HCN4: variants seen among roughly 807,000 people sequenced by gnomAD.
HCN4 encodes potassium/sodium hyperpolarization-activated cyclic nucleotide-gated channel 4.
HCN4 carries 29 observed loss-of-function variants against 76.9 expected under a neutral mutation model. That is an observed-to-expected ratio of 0.38 (90% CI 0.28 to 0.51). The LOEUF (loss-of-function observed/expected upper bound fraction) is 0.51. Ranked by LOEUF, HCN4 falls within the 20% of genes least tolerant of loss-of-function variation. The probability of loss-of-function intolerance (pLI) is 0.90; values close to 1 mark genes in which losing one functional copy is unlikely to be tolerated. For synonymous variants in HCN4, 772 were observed against 762.5 expected (o/e 1.01, Z -0.21); for missense variants, 1,416 against 1,715.2 (o/e 0.83, Z 3.08).
chr15:73,362,877 G>C (rs531009451), intron 1 of HCN4, among the ~76,000 whole-genome samples: 1 of 152,136 alleles, frequency 6.6e-6, no homozygotes, highest in African/African-American at 2.4e-5. Flanking sequence ...ACCTGGAGCC[G>C]AGGCCTCTCT....
At chr15:73,346,759 G>A (rs1234872884) in intron 1 of HCN4, among the ~76,000 whole-genome samples, 1 of 152,186 alleles carries the variant, frequency 6.6e-6, no homozygotes, top group Non-Finnish European at 1.5e-5. Flanking sequence ...CTAGAAGGGT[G>A]AGGCCGGGAA....
chr15:73,353,939 AATAG>A (rs1175480332), intron 1 of HCN4, among the ~76,000 whole-genome samples: 1 of 151,986 alleles, frequency 6.6e-6, no homozygotes, highest in African/African-American at 2.4e-5. Flanking sequence ...TCCCCACCAC[AATAG>A]ATAAATTGCT....
At chr15:73,350,840 A>C (rs1389259422) in intron 1 of HCN4, among the ~76,000 whole-genome samples, 1 of 151,726 alleles carries the variant, frequency 6.6e-6, no homozygotes, top group East Asian at 1.9e-4. Flanking sequence ...TAAGCTCTCT[A>C]AACTTAAAAA....
intron 1 of HCN4, among the ~76,000 whole-genome samples, chr15:73,351,366 T>C (rs1051076680): frequency 6.6e-6 from 1 of 152,154 alleles, no homozygotes; most frequent in African/African-American, 2.4e-5. Context: ...TGTAAACCCA[T>C]GCATCCACTT....
chr15:73,353,589 A>T (rs950102488), intron 1 of HCN4, among the ~76,000 whole-genome samples: 1 of 150,636 alleles, frequency 6.6e-6, no homozygotes, highest in African/African-American at 2.4e-5. Flanking sequence ...AGCACCTATT[A>T]CTCCCCCTCC....
chr15:73,358,901 C>T (rs2043092834), intron 1 of HCN4, among the ~76,000 whole-genome samples: 1 of 151,748 alleles, frequency 6.6e-6, no homozygotes, highest in African/African-American at 2.4e-5. Context: ...TGGAACCCTA[C>T]TCTCCATTTT....
Position 73,368,357 on chromosome 15 carries a change from C to G in HCN4, c.-87G>C, listed in dbSNP as rs2043140654. 1 of 966,802 alleles carries G rather than the reference C, an allele frequency of 1.0e-6. No homozygotes were observed. The highest frequency in any genetic ancestry group is 2.8e-5 in the South Asian group (1 of 36,196). 59.9% of individuals were successfully genotyped at this position (966,802 alleles called of 1,614,324 possible). Reference sequence around the variant, plus strand: ...CAGGTCCGCCCGCCGGTCAGTCCGCCCGTGGGGACGCGTCCTTTGCCGCCG... The same window carrying G: ...CAGGTCCGCCCGCCGGTCAGTCCGCGCGTGGGGACGCGTCCTTTGCCGCCG... On this transcript the variant is annotated 5_prime_UTR_variant, in exon 1 of 8. Coordinates refer to ENST00000261917, the MANE Select transcript of HCN4 (RefSeq NM_005477.3). This position sits in a 1 kb window ranked among gnomAD's most constrained non-coding sequence, Gnocchi z 6.9.
rs1004307434 is a variant in HCN4, at chr15:73,328,516, T to C, written c.1590+1057A>G. On this transcript the variant is annotated intron_variant, in intron 4 of 7. Coordinates refer to ENST00000261917, the MANE Select transcript of HCN4 (RefSeq NM_005477.3). This position sits in a 1 kb window ranked among gnomAD's most constrained non-coding sequence, Gnocchi z 4.0. Reference sequence around the variant, plus strand: ...ATGCCGCTCCAACTGCTGTGTGAGGTGTGCAGTGGAAGGTGCCAGGGCAGA... The same window carrying C: ...ATGCCGCTCCAACTGCTGTGTGAGGCGTGCAGTGGAAGGTGCCAGGGCAGA... Among the ~76,000 whole-genome samples, 1 of 151,758 alleles carries C rather than the reference T, an allele frequency of 6.6e-6. No individual in the cohort carries two copies. Among genetic ancestry groups the C allele is most frequent in the African/African-American group, 2.4e-5 (1 of 41,274 alleles).
chr15:73,354,118 C>T (rs1378455797), intron 1 of HCN4, among the ~76,000 whole-genome samples: 2 of 152,236 alleles, frequency 1.3e-5, no homozygotes, highest in Admixed American at 6.5e-5. Context: ...GCTTGGTTTA[C>T]AGGCGGGTTG....
chr15:73,343,790 G>A lies in HCN4; in HGVS notation c.804C>T (p.Thr268=). 6.2e-7 allele frequency: 1 copy of A among 1,614,094 alleles called. No homozygotes were observed. ...GGTTTCCCACCATCAGCAGCAGCATGGTCAGGTCCCAGTAAAATCTGCCCA... is the reference window on the plus strand; with the variant it reads ...GGTTTCCCACCATCAGCAGCAGCATAGTCAGGTCCCAGTAAAATCTGCCCA... ...YSDFRFYWDL[T]MLLLMVGNLI... The change falls in exon 2 of 8, where the codon ACC becomes ACT. Residue 268 remains threonine, a synonymous_variant. Transcript: ENST00000261917. This position sits in a 1 kb window ranked among gnomAD's most constrained non-coding sequence, Gnocchi z 5.7.
chr15:73,368,245 C>G lies in HCN4; in HGVS notation c.26G>C (p.Arg9Pro), dbSNP rs1045593470. 6.6e-7 allele frequency: 1 copy of G among 1,504,284 alleles called. No individual in the cohort carries two copies. The highest frequency in any genetic ancestry group is 8.9e-7 in the Non-Finnish European group (1 of 1,129,316). 93.2% of individuals were successfully genotyped at this position (1,504,284 alleles called of 1,614,324 possible). A position where few individuals can be genotyped will look rare whatever the true frequency, so the allele number is the denominator to read the frequency against. Residue 9 changes from arginine to proline, a missense_variant, in exon 1 of 8, where the codon CGC becomes CCC. This residue lies in a region of HCN4 where 355 missense variants were observed against 347.8 expected (regional missense o/e 1.02). Transcript: ENST00000261917. This position sits in a 1 kb window ranked among gnomAD's most constrained non-coding sequence, Gnocchi z 6.9. ...CTGCGGGAGGCTGTAGAGCCGCTTG[C>G]GCATGGACGGCGGCAGCTTGTCCAT... MDKLPPSMRKRLYSLPQQV... is the reference protein window; with the variant it reads MDKLPPSMPKRLYSLPQQV...
chr15:73,361,350 T>A (rs575616858), intron 1 of HCN4, among the ~76,000 whole-genome samples: 2 of 152,128 alleles, frequency 1.3e-5, no homozygotes, highest in Non-Finnish European at 2.9e-5. Context: ...TGGCAATGCC[T>A]CCTCAGTAAA....
intron 1 of HCN4, among the ~76,000 whole-genome samples, chr15:73,366,194 G>A (rs2043127473): frequency 6.6e-6 from 1 of 152,112 alleles, no homozygotes; most frequent in South Asian, 2.1e-4. Flanking sequence ...AAGGGGGGAG[G>A]GGCTCTGTTC....
intron 1 of HCN4, among the ~76,000 whole-genome samples, chr15:73,358,609 G>A (rs1024759160): frequency 1.3e-5 from 2 of 152,172 alleles, no homozygotes; most frequent in Admixed American, 6.5e-5. Context: ...CACACCACAC[G>A]TACTCAGATG....
chr15:73,333,538 T>C (rs1227926719), intron 2 of HCN4, among the ~76,000 whole-genome samples: 1 of 152,176 alleles, frequency 6.6e-6, no homozygotes, highest in East Asian at 1.9e-4. Context: ...GTTCTGATAC[T>C]AGTGACCGAA....
At chr15:73,335,118 C>G (rs1410131853) in intron 2 of HCN4, 1 of 152,208 alleles carries the variant, frequency 6.6e-6, no homozygotes, top group Non-Finnish European at 1.5e-5. Context: ...GCCTCCAGAG[C>G]TGTGGGAAGT....
intron 2 of HCN4, among the ~76,000 whole-genome samples, chr15:73,337,050 G>A (rs1182771143): frequency 6.6e-6 from 1 of 152,186 alleles, no homozygotes; most frequent in Non-Finnish European, 1.5e-5. Context: ...CAGGCCCTCA[G>A]TACTGGGCTT....
rs1290501532 is a variant in HCN4, at chr15:73,322,690, G to GGCCCCCGCT, written c.3394_3402dup (p.Ser1132_Gly1134dup). The GGCCCCCGCT allele has an allele frequency of 8.8e-6, 14 of 1,582,530 alleles. No individual in the cohort carries two copies. In the Admixed American group the frequency reaches 2.4e-4, roughly 27 times the overall value. On this transcript the variant is annotated inframe_insertion, in exon 8 of 8. Transcript: ENST00000261917. ...CCATAGGGCCTCCCAGGGGGACCGAGGCCCCCGCTGCTCCCACTGCCCCCG... is the reference window on the plus strand; with the variant it reads ...CCATAGGGCCTCCCAGGGGGACCGAGGCCCCCGCTGCCCCCGCTGCTCCCACTGCCCCCG...
At chr15:73,335,302 C>T (rs1033681476) in intron 2 of HCN4, 1 of 152,364 alleles carries the variant, frequency 6.6e-6, no homozygotes, top group African/African-American at 2.4e-5. Flanking sequence ...CAGCAGCCTC[C>T]CCGAGGCACA....
Sources: gnomAD v4.1 joint callset for allele counts (sites outside exome capture counted in the v4.1 genomes callset) on GRCh38, gnomAD v4.1.1 for gene constraint, gnomAD v4.1.1 regional missense constraint, Gnocchi (gnomAD v3.1) non-coding constraint, MANE v1.5 for transcripts, NCBI Gene and HGNC (gene_info 2026-07-23, HGNC 2026-07-21) for gene names.